The following GRID2 variants were observed in gnomAD, a reference collection of about 807,000 sequenced individuals.
The protein encoded by GRID2 is glutamate ionotropic receptor delta type subunit 2, also known as glutamate receptor ionotropic, delta-2.
Under a neutral mutation model 114.8 loss-of-function variants are expected in GRID2, and 33 were observed. That is an observed-to-expected ratio of 0.29 (90% confidence interval 0.22 to 0.38). The LOEUF is 0.38. Among genes scored for constraint, GRID2 ranks in the 10% least tolerant of loss-of-function variants. The pLI is 1.00. For missense variants in GRID2, 1,184 were observed against 1,257.7 expected (o/e 0.94, Z 0.89); for synonymous variants, 505 against 449.9 (o/e 1.12, Z -1.55).
intron 1 of GRID2, among the ~76,000 whole-genome samples, chr4:92,541,730 A>G (rs988761307): frequency 6.6e-6 from 1 of 152,136 alleles, no homozygotes; most frequent in African/African-American, 2.4e-5. Flanking sequence ...AAATGATGAT[A>G]GTGTTTGCAT....
At chr4:93,659,974 G>A (rs1228602266) in intron 14 of GRID2, among the ~76,000 whole-genome samples, 1 of 151,724 alleles carries the variant, frequency 6.6e-6, no homozygotes, top group Non-Finnish European at 1.5e-5. Flanking sequence ...ATGAATACCA[G>A]CATTGGTATG....
At chr4:92,688,489 TTTG>T (rs1404896205) in intron 2 of GRID2, among the ~76,000 whole-genome samples, 14 of 152,348 alleles carry the variant, frequency 9.2e-5, no homozygotes, top group African/African-American at 3.4e-4. Flanking sequence ...TTCTAAATTC[TTTG>T]TTGTCATTTA....
chr4:93,067,573 G>A (rs62308173), intron 2 of GRID2, among the ~76,000 whole-genome samples: 2,876 of 151,996 alleles, frequency 0.019, 48 homozygotes, highest in Non-Finnish European at 0.027. Context: ...TCATCACCTT[G>A]AGAGAGATTT....
At chr4:93,721,168 A>G (rs1292359657) in intron 14 of GRID2, among the ~76,000 whole-genome samples, 13 of 152,310 alleles carry the variant, frequency 8.5e-5, no homozygotes, top group Non-Finnish European at 1.9e-4. Flanking sequence ...TGTATTTCAA[A>G]GGTCTTTCTC....
intron 2 of GRID2, among the ~76,000 whole-genome samples, chr4:92,971,203 G>T (rs1753492429): frequency 6.6e-6 from 1 of 151,956 alleles, no homozygotes; most frequent in Non-Finnish European, 1.5e-5. Context: ...TCTCTGTAGG[G>T]AGCATTCTCA....
At chr4:92,729,805 A>G (rs1443382672) in intron 2 of GRID2, among the ~76,000 whole-genome samples, 1 of 145,200 alleles carries the variant, frequency 6.9e-6, no homozygotes, top group Non-Finnish European at 1.5e-5. Flanking sequence ...AAGTATTGCA[A>G]AAATTTAACA....
chr4:93,608,258 T>C (rs1740498135), intron 13 of GRID2, among the ~76,000 whole-genome samples: 2 of 149,780 alleles, frequency 1.3e-5, no homozygotes, highest in Non-Finnish European at 3.0e-5. Context: ...ATTATTTTAT[T>C]TTAAACTATT....
intron 1 of GRID2, among the ~76,000 whole-genome samples, chr4:92,409,096 C>A (rs1033864042): frequency 2.0e-5 from 3 of 152,038 alleles, no homozygotes; most frequent in Non-Finnish European, 4.4e-5. Context: ...TATGATTTGG[C>A]TGTGGGTTTC....
chr4:93,448,853 T>G (rs1580115677), intron 10 of GRID2, among the ~76,000 whole-genome samples: 1 of 26,318 alleles, frequency 3.8e-5, no homozygotes, highest in African/African-American at 2.1e-4. Flanking sequence ...TCCCTTCCCT[T>G]CCCTTCCCCT....
chr4:92,417,769 T>C (rs1418051481), intron 1 of GRID2, among the ~76,000 whole-genome samples: 4 of 152,166 alleles, frequency 2.6e-5, no homozygotes, highest in African/African-American at 9.7e-5. Flanking sequence ...TGAATTGTAA[T>C]AATTCCCACA....
chr4:92,964,171 G>A (rs1380672666), intron 2 of GRID2, among the ~76,000 whole-genome samples: 1 of 151,944 alleles, frequency 6.6e-6, no homozygotes, highest in African/African-American at 2.4e-5. Context: ...AATGAGCATT[G>A]GCTTCAACTT....
chr4:93,265,793 C>G (rs1579478695), intron 8 of GRID2, among the ~76,000 whole-genome samples: 2 of 152,148 alleles, frequency 1.3e-5, no homozygotes, highest in South Asian at 2.1e-4. Flanking sequence ...AAGGAGCACC[C>G]CTTCCCACCA....
At chr4:92,789,431 C>A (rs1739469315) in intron 2 of GRID2, among the ~76,000 whole-genome samples, 1 of 151,844 alleles carries the variant, frequency 6.6e-6, no homozygotes, top group Non-Finnish European at 1.5e-5. Context: ...TTCAGTTGGA[C>A]ACACGTTAGA....
intron 8 of GRID2, among the ~76,000 whole-genome samples, chr4:93,243,435 C>T (rs776260605): frequency 7.2e-5 from 11 of 152,076 alleles, no homozygotes; most frequent in Non-Finnish European, 1.3e-4. Context: ...CCCAGTTTCT[C>T]CATGTCTCAA....
chr4:93,399,631 G>A (rs950678525), intron 9 of GRID2, among the ~76,000 whole-genome samples: 1 of 152,106 alleles, frequency 6.6e-6, no homozygotes, highest in Non-Finnish European at 1.5e-5. Flanking sequence ...AGAGCCATGG[G>A]AGAGAGACCA....
chr4:92,443,774 G>T (rs1346085212), intron 1 of GRID2, among the ~76,000 whole-genome samples: 1 of 152,178 alleles, frequency 6.6e-6, no homozygotes, highest in Non-Finnish European at 1.5e-5. Context: ...AAGGGTGAAG[G>T]ACCAAGGCAG....
chr4:92,822,527 T>C (rs1024733537), intron 2 of GRID2: 2 of 329,414 alleles, frequency 6.1e-6, no homozygotes, highest in South Asian at 5.1e-5. Flanking sequence ...ATACTCAGGG[T>C]TATAACCATA....
At chr4:93,432,794 G>C (rs899435044) in intron 10 of GRID2, among the ~76,000 whole-genome samples, 24 of 152,146 alleles carry the variant, frequency 1.6e-4, no homozygotes, top group Admixed American at 4.6e-4. Flanking sequence ...AGGCAAGGTG[G>C]CTCATGCCTG....
chr4:93,765,518 C>T (rs1733580501), intron 14 of GRID2, among the ~76,000 whole-genome samples: 1 of 151,652 alleles, frequency 6.6e-6, no homozygotes, highest in South Asian at 2.1e-4. Flanking sequence ...TCCTATCGCT[C>T]AGCTGGCTGA....
Sources: allele counts gnomAD v4.1 joint callset (sites outside exome capture counted in the v4.1 genomes callset), GRCh38; gene constraint gnomAD v4.1.1; transcripts MANE v1.5; gene names NCBI Gene and HGNC (gene_info 2026-07-23, HGNC 2026-07-21).